TFPI: variants seen among roughly 807,000 people sequenced by gnomAD.
TFPI encodes the protein anti-convertin.
A neutral mutation model predicts 34.6 loss-of-function variants in TFPI; 15 were observed. The observed-to-expected ratio is 0.43, with a 90% CI of 0.29 to 0.67. The LOEUF (loss-of-function observed/expected upper bound fraction) is 0.67, where lower values mean the gene tolerates loss of function less well. Ranked by LOEUF, TFPI falls within the 30% of genes least tolerant of loss-of-function variation. The pLI is 0.15. For synonymous variants in TFPI, 105 were observed against 120.1 expected, an observed-to-expected ratio of 0.87 and a Z score of 0.82; for missense variants, 301 against 364.0, an observed-to-expected ratio of 0.83 and a Z score of 1.41.
At position 187,464,384 on chromosome 2, in the gene TFPI, TCA is replaced by T. The variant is rs1691620977; in HGVS notation, c.*2550_*2551del. 6.6e-6 allele frequency: 1 copy of T among 152,190 alleles called. No individual in the cohort carries two copies. The highest frequency in any genetic ancestry group is 1.5e-5 in the Non-Finnish European group (1 of 68,026). The allele number at this position is 152,190 out of a possible 1,614,324, so 9.4% of individuals were successfully genotyped here. ...TGAATAATGTAATTCCATATACAAT[TCA>T]CAGTTAGATGCACTTAATTGTGGAA... is the stretch of plus-strand genomic sequence containing the variant. On this transcript the variant is annotated 3_prime_UTR_variant, in exon 8 of 8. Transcript: ENST00000233156.
chr2:187,469,571 C>T lies in TFPI; in HGVS notation c.629-1639G>A, dbSNP rs1166391045. On this transcript the variant is annotated intron_variant, in intron 6 of 7. Coordinates refer to ENST00000233156, the MANE Select transcript of TFPI (RefSeq NM_006287.6). ...TGCTGTAGTGAAGCAGATTAACATACCCATCTTCTCACAGTTACATTTTTG... is the reference window on the plus strand; with the variant it reads ...TGCTGTAGTGAAGCAGATTAACATATCCATCTTCTCACAGTTACATTTTTG... Among the ~76,000 whole-genome samples, 3 of 152,034 alleles carry T rather than the reference C, an allele frequency of 2.0e-5. No individual in the cohort carries two copies. In the East Asian group the frequency reaches 5.8e-4, roughly 29 times the overall value.
intron 6 of TFPI, among the ~76,000 whole-genome samples, chr2:187,482,104 A>G (rs1692909743): frequency 6.6e-6 from 1 of 152,040 alleles, no homozygotes; most frequent in Non-Finnish European, 1.5e-5. Context: ...TTATACTTCA[A>G]AAAAACTTAA....
chr2:187,506,524 C>T (rs889696276), intron 1 of TFPI, among the ~76,000 whole-genome samples: 1 of 152,064 alleles, frequency 6.6e-6, no homozygotes, highest in Non-Finnish European at 1.5e-5. Flanking sequence ...TTCCCCAGCA[C>T]GTTTCTGTTC....
intron 1 of TFPI, chr2:187,514,948 C>T (rs373833648): frequency 5.9e-5 from 9 of 152,196 alleles, no homozygotes; most frequent in African/African-American, 9.6e-5. Context: ...CCAACAGCAA[C>T]GAGCTTTTCA....
chr2:187,549,810 T>C (rs528628213), intron 1 of TFPI, among the ~76,000 whole-genome samples: 1 of 152,178 alleles, frequency 6.6e-6, no homozygotes, highest in East Asian at 1.9e-4. Context: ...GAAAATACAA[T>C]TTTAAAAGCC....
chr2:187,540,717 C>T (rs1224661065), intron 1 of TFPI, among the ~76,000 whole-genome samples: 3 of 151,318 alleles, frequency 2.0e-5, no homozygotes, highest in Non-Finnish European at 4.4e-5. Context: ...GTTGTGAAAC[C>T]CCATCTCTAC....
chr2:187,504,539 G>A (rs1227785022), intron 1 of TFPI, among the ~76,000 whole-genome samples: 1 of 148,536 alleles, frequency 6.7e-6, no homozygotes, highest in African/African-American at 2.5e-5. Flanking sequence ...CTGTTTCAAC[G>A]TTGTTTAAAG....
At chr2:187,538,652 G>GT (rs1416256446) in intron 1 of TFPI, among the ~76,000 whole-genome samples, 1 of 152,130 alleles carries the variant, frequency 6.6e-6, no homozygotes, top group Non-Finnish European at 1.5e-5. Flanking sequence ...GGGTTGATGG[G>GT]TGCAGCAAAC....
At chr2:187,525,525 G>A (rs879641744) in intron 1 of TFPI, among the ~76,000 whole-genome samples, 2 of 151,914 alleles carry the variant, frequency 1.3e-5, no homozygotes, top group Non-Finnish European at 2.9e-5. Flanking sequence ...AGAAGAGGGG[G>A]TTTGTAGTAA....
intron 2 of TFPI, among the ~76,000 whole-genome samples, chr2:187,501,143 C>A (rs1042232157): frequency 1.6e-4 from 25 of 151,986 alleles, no homozygotes; most frequent in Non-Finnish European, 4.4e-5. Flanking sequence ...TGCCAGCGGC[C>A]ATGAGAAAGC....
chr2:187,478,584 A>G lies in TFPI; in HGVS notation c.628+5540T>C, dbSNP rs185051512. Reference sequence around the variant, plus strand: ...GTGCAGTGAGAAGACTATGTTTACTATGCATGTAAATATTAAAACTTTATT... The same window carrying G: ...GTGCAGTGAGAAGACTATGTTTACTGTGCATGTAAATATTAAAACTTTATT... On this transcript the variant is annotated intron_variant, in intron 6 of 7. Transcript: ENST00000233156. 2.1e-6 allele frequency: 3 copies of G among 1,462,904 alleles called. No homozygotes were observed. In the African/African-American group the frequency reaches 4.3e-5, roughly 21 times the overall value. The allele number at this position is 1,462,904 out of a possible 1,614,324, so 90.6% of individuals were successfully genotyped here.
rs114062473 is a variant in TFPI at position 187,540,457 on chromosome 2, A to C, written c.-3+13743T>G. Among the ~76,000 whole-genome samples, 1,047 of 152,354 alleles carry C rather than the reference A, an allele frequency of 6.9e-3. 10 individuals are homozygous for C. The highest frequency in any genetic ancestry group is 0.024 in the African/African-American group (998 of 41,580). ...TTGAAGATAGATCCTTGGTAAAGTG[A>C]AATATCAAAAACTTCTGAAAACTTG... On this transcript the variant is annotated intron_variant, in intron 1 of 7. Coordinates refer to ENST00000233156, the MANE Select transcript of TFPI (RefSeq NM_006287.6).
chr2:187,465,990 A>G lies in TFPI; in HGVS notation c.*946T>C, dbSNP rs952139608. 1 of 152,068 alleles carries G rather than the reference A, an allele frequency of 6.6e-6. No homozygotes were observed. Among genetic ancestry groups the G allele is most frequent in the African/African-American group, 2.4e-5 (1 of 41,378 alleles). The allele number at this position is 152,068 out of a possible 1,614,324, so 9.4% of individuals were successfully genotyped here. ...GACTAGCACATGAATTTTCTAGTAGACTCTTCCCTGCTGATAATTTTCTCT... is the reference window on the plus strand; with the variant it reads ...GACTAGCACATGAATTTTCTAGTAGGCTCTTCCCTGCTGATAATTTTCTCT... On this transcript the variant is annotated 3_prime_UTR_variant, in exon 8 of 8. Transcript: ENST00000233156.
At chr2:187,522,656 G>T (rs571096647) in intron 1 of TFPI, among the ~76,000 whole-genome samples, 1 of 150,940 alleles carries the variant, frequency 6.6e-6, no homozygotes, top group East Asian at 2.0e-4. Flanking sequence ...GGCGGAGGTG[G>T]GTGGATCACG....
rs146194152 is a variant in TFPI at position 187,489,607 on chromosome 2, G to A, written c.320-1232C>T. On this transcript the variant is annotated intron_variant, in intron 3 of 7. Transcript: ENST00000233156. The stretch of plus-strand genomic sequence containing the variant: ...TGAGTACATAAGACTAGAACACTAA[G>A]CAATTTTCATTCCTGATTTACCTAT... Among the ~76,000 whole-genome samples the A allele has an allele frequency of 1.8e-3, 266 of 151,610 alleles. 2 individuals are homozygous for A. The South Asian group carries it at 0.019, about 11-fold the overall frequency.
At chr2:187,523,139 T>C (rs1359240811) in intron 1 of TFPI, among the ~76,000 whole-genome samples, 1 of 152,038 alleles carries the variant, frequency 6.6e-6, no homozygotes, top group African/African-American at 2.4e-5. Flanking sequence ...AGTTTTTAAA[T>C]AGTGATTATA....
At chr2:187,485,754 G>T (rs1693215161) in intron 4 of TFPI, among the ~76,000 whole-genome samples, 1 of 151,674 alleles carries the variant, frequency 6.6e-6, no homozygotes, top group Non-Finnish European at 1.5e-5. Flanking sequence ...CTGTCTACAT[G>T]CATGCACTGT....
At chr2:187,480,745 A>G (rs1345827121) in intron 6 of TFPI, among the ~76,000 whole-genome samples, 2 of 152,158 alleles carry the variant, frequency 1.3e-5, no homozygotes, top group Admixed American at 6.6e-5. Flanking sequence ...GAAATAATGC[A>G]CTCACGCTCA....
intron 1 of TFPI, among the ~76,000 whole-genome samples, chr2:187,525,464 CCT>C (rs1687629473): frequency 1.3e-5 from 2 of 151,946 alleles, no homozygotes; most frequent in African/African-American, 2.4e-5. Flanking sequence ...TCCCTCTTTC[CCT>C]CTCTCTTTCT....
Sources: allele counts gnomAD v4.1 joint callset (sites outside exome capture counted in the v4.1 genomes callset), GRCh38; gene constraint gnomAD v4.1.1; transcripts MANE v1.5; gene names NCBI Gene and HGNC (gene_info 2026-07-23, HGNC 2026-07-21).